KCNH1: variants seen among roughly 807,000 people sequenced by gnomAD.
KCNH1 encodes the protein voltage-gated delayed rectifier potassium channel KCNH1.
KCNH1 carries 27 observed loss-of-function variants against 69.2 expected under a neutral mutation model. That is an observed-to-expected ratio of 0.39 (90% CI 0.29 to 0.54). KCNH1 has a LOEUF of 0.54. Among genes scored for constraint, KCNH1 ranks in the 20% least tolerant of loss-of-function variants. KCNH1 has a pLI of 0.68. For missense variants in KCNH1, 798 were observed against 1,261.6 expected, an observed-to-expected ratio of 0.63 and a Z score of 5.57; for synonymous variants, 456 against 487.7, an observed-to-expected ratio of 0.93 and a Z score of 0.86.
At chr1:211,007,433 A>T (rs899065769) in intron 6 of KCNH1, among the ~76,000 whole-genome samples, 4 of 152,202 alleles carry the variant, frequency 2.6e-5, no homozygotes, top group African/African-American at 9.7e-5. Context: ...TCCTTCACAA[A>T]TAAAGATTAA....
intron 6 of KCNH1, among the ~76,000 whole-genome samples, chr1:210,946,869 G>A (rs376955661): frequency 7.2e-5 from 11 of 152,000 alleles, no homozygotes; most frequent in Admixed American, 2.0e-4. Context: ...TTTTCACCTA[G>A]CCAAGTCCCT....
chr1:210,946,791 C>T lies in KCNH1; in HGVS notation c.1033-26722G>A, dbSNP rs78506387. On this transcript the variant is annotated intron_variant, in intron 6 of 10. Transcript: ENST00000271751. ...AGATCTGCTGTGGTCTGTCTTACCA[C>T]CTGTCCTTCACGTAGGCGGGTTTCC... is the stretch of plus-strand genomic sequence containing the variant. Among the ~76,000 whole-genome samples the T allele has an allele frequency of 6.6e-4, 101 of 152,302 alleles. 1 individual carries two copies. The East Asian group carries it at 0.019, about 29-fold the overall frequency.
intron 10 of KCNH1, among the ~76,000 whole-genome samples, chr1:210,763,517 T>C (rs1332064975): frequency 6.6e-6 from 1 of 152,096 alleles, no homozygotes; most frequent in African/African-American, 2.4e-5. Flanking sequence ...CAGGAAAGTC[T>C]CAGGATACAA....
chr1:211,007,381 C>T (rs1177328953), intron 6 of KCNH1, among the ~76,000 whole-genome samples: 1 of 152,194 alleles, frequency 6.6e-6, no homozygotes, highest in African/African-American at 2.4e-5. Context: ...GCTTCACGAA[C>T]AACAAGCAAA....
intron 5 of KCNH1, among the ~76,000 whole-genome samples, chr1:211,081,824 G>C (rs1690865607): frequency 6.6e-6 from 1 of 152,128 alleles, no homozygotes; most frequent in Admixed American, 6.5e-5. Context: ...GTCATGGGAT[G>C]GGGGACGGGG....
At chr1:210,970,871 T>C (rs1286060765) in intron 6 of KCNH1, among the ~76,000 whole-genome samples, 1 of 151,890 alleles carries the variant, frequency 6.6e-6, no homozygotes, top group Non-Finnish European at 1.5e-5. Context: ...TGGGAGAAAA[T>C]TTTTGCAATC....
intron 1 of KCNH1, among the ~76,000 whole-genome samples, chr1:211,124,821 G>A (rs1691750079): frequency 1.3e-5 from 2 of 152,154 alleles, no homozygotes; most frequent in Admixed American, 1.3e-4. Flanking sequence ...AAAGAGTCCC[G>A]ATTTATAACA....
chr1:210,776,160 A>G (rs937335110), intron 9 of KCNH1, among the ~76,000 whole-genome samples: 4 of 152,160 alleles, frequency 2.6e-5, no homozygotes, highest in African/African-American at 9.7e-5. Flanking sequence ...GAAGTCAGAC[A>G]AGTGCAGAGT....
At chr1:210,912,300 C>T (rs1687250612) in intron 7 of KCNH1, among the ~76,000 whole-genome samples, 1 of 152,174 alleles carries the variant, frequency 6.6e-6, no homozygotes. Flanking sequence ...TCCTGCCAGT[C>T]AAGCCTGAAC....
chr1:210,707,050 GGTATGTGTGTGTGTGTGCGCGCGCACGT>G (rs1040893150), intron 10 of KCNH1, among the ~76,000 whole-genome samples: 4 of 152,086 alleles, frequency 2.6e-5, no homozygotes, highest in Admixed American at 2.0e-4. Flanking sequence ...GTATGTGAGG[GGTATGTGTGTGTGTGTGCGCGCGCACGT>G]GTATGTGTGT....
chr1:210,923,370 C>T (rs1244624566), intron 6 of KCNH1, among the ~76,000 whole-genome samples: 1 of 152,190 alleles, frequency 6.6e-6, no homozygotes, highest in African/African-American at 2.4e-5. Context: ...ACTTCTGTGG[C>T]AGTCATTCAT....
At chr1:211,127,868 A>G (rs532635673) in intron 1 of KCNH1, among the ~76,000 whole-genome samples, 2 of 152,242 alleles carry the variant, frequency 1.3e-5, no homozygotes, top group African/African-American at 2.4e-5. Flanking sequence ...GTGTGCCCAC[A>G]TGCTCCAAAA....
In KCNH1 at chr1:210,966,015, G is replaced by T. The variant is rs1357542256; in HGVS notation, c.1033-45946C>A. Among the ~76,000 whole-genome samples, 3 of 152,158 alleles carry T rather than the reference G, an allele frequency of 2.0e-5. No homozygotes were observed. In the East Asian group the frequency reaches 5.8e-4, roughly 29 times the overall value. On this transcript the variant is annotated intron_variant, in intron 6 of 10. Transcript: ENST00000271751. ...AAGGCTACAGTAACCAAAACAGCAT[G>T]GTACTGGTACCAAAACAGATATACA...
intron 7 of KCNH1, among the ~76,000 whole-genome samples, chr1:210,866,376 AGATTT>A (rs1686110046): frequency 6.6e-6 from 1 of 152,204 alleles, no homozygotes; most frequent in African/African-American, 2.4e-5. Context: ...ACCTTATAAG[AGATTT>A]GTATCCAGAA....
intron 6 of KCNH1, among the ~76,000 whole-genome samples, chr1:211,010,634 C>T (rs1409635736): frequency 6.6e-6 from 1 of 152,120 alleles, no homozygotes; most frequent in Non-Finnish European, 1.5e-5. Flanking sequence ...AGGAAGCCTC[C>T]CTGGATTCTC....
intron 6 of KCNH1, among the ~76,000 whole-genome samples, chr1:210,991,347 A>G (rs1445263880): frequency 2.6e-5 from 4 of 152,190 alleles, no homozygotes; most frequent in Admixed American, 2.6e-4. Flanking sequence ...AAATGAAATA[A>G]GCCAGACACA....
chr1:210,983,412 T>A (rs1308446455), intron 6 of KCNH1, among the ~76,000 whole-genome samples: 1 of 152,240 alleles, frequency 6.6e-6, no homozygotes, highest in Non-Finnish European at 1.5e-5. Context: ...AGGTCTAACA[T>A]ATAAGTCTTT....
At chr1:211,001,142 C>A (rs1302104326) in intron 6 of KCNH1, among the ~76,000 whole-genome samples, 1 of 152,124 alleles carries the variant, frequency 6.6e-6, no homozygotes, top group Middle Eastern at 3.2e-3. Context: ...GCAATGGCAA[C>A]AAAAGACAAA....
chr1:210,889,583 C>T (rs999525779), intron 7 of KCNH1, among the ~76,000 whole-genome samples: 1 of 152,074 alleles, frequency 6.6e-6, no homozygotes, highest in Admixed American at 6.6e-5. Flanking sequence ...AGAAATAAAG[C>T]GTATTCAAAT....
Sources: gnomAD v4.1 joint callset for allele counts (sites outside exome capture counted in the v4.1 genomes callset) on GRCh38, gnomAD v4.1.1 for gene constraint, MANE v1.5 for transcripts, NCBI Gene and HGNC (gene_info 2026-07-23, HGNC 2026-07-21) for gene names.